MYO7A: variants seen among roughly 807,000 people sequenced by gnomAD.
MYO7A encodes the protein myosin VIIA.
A neutral mutation model predicts 263.8 loss-of-function variants in MYO7A; 210 were observed. The ratio of observed to expected loss-of-function variants is 0.80; its 90% confidence interval spans 0.71 to 0.89. The LOEUF (loss-of-function observed/expected upper bound fraction) is 0.89, where lower values mean the gene tolerates loss of function less well. MYO7A is among the 40% of genes least tolerant of loss of function. The pLI is 0.00. For synonymous variants in MYO7A, 1,239 were observed against 1,197.3 expected (o/e 1.03, Z -0.72); for missense variants, 2,820 against 2,968.3 (o/e 0.95, Z 1.16).
intron 14 of MYO7A, among the ~76,000 whole-genome samples, chr11:77,165,652 G>T (rs1391207603): frequency 1.3e-5 from 2 of 152,200 alleles, no homozygotes; most frequent in Non-Finnish European, 2.9e-5. Flanking sequence ...CCACAAGGTG[G>T]TTTTAATGAA....
chr11:77,131,312 C>G (rs1391086322), intron 2 of MYO7A, among the ~76,000 whole-genome samples: 1 of 152,242 alleles, frequency 6.6e-6, no homozygotes, highest in African/African-American at 2.4e-5. Context: ...GGGGCTTGGC[C>G]AGCAGCTTCT....
rs532436508 is a variant in MYO7A at position 77,132,518 on chromosome 11, C to G, written c.18+1866C>G. Among the ~76,000 whole-genome samples, 429 of 152,236 alleles carry G rather than the reference C, an allele frequency of 2.8e-3. 2 individuals carry two copies. Among genetic ancestry groups the G allele is most frequent in the African/African-American group, 9.7e-3 (402 of 41,538 alleles). On this transcript the variant is annotated intron_variant, in intron 2 of 48. Transcript: ENST00000409709. ...GTGTGTGTTTGTTTTGAGACAGAGTCTTGCTTTGTCACCAGGCTGAAGTGC... is the reference window on the plus strand; with the variant it reads ...GTGTGTGTTTGTTTTGAGACAGAGTGTTGCTTTGTCACCAGGCTGAAGTGC...
rs966005034 is a variant in MYO7A, at chr11:77,196,446, T to C, written c.4324-1035T>C. ...GGGTGAGGACTTTAATACGCAAATA[T>C]GGTAGGTTGGGGAAGGAAGCACACA... On this transcript the variant is annotated intron_variant, in intron 32 of 48. Coordinates refer to ENST00000409709, the MANE Select transcript of MYO7A (RefSeq NM_000260.4). 1.5e-3 allele frequency among the ~76,000 whole-genome samples: 221 copies of C among 151,756 alleles called. 25 individuals carry two copies. Among genetic ancestry groups the C allele is most frequent in the Admixed American group, 6.6e-5 (1 of 15,236 alleles).
chr11:77,162,595 G>C (rs1021711758), intron 13 of MYO7A, among the ~76,000 whole-genome samples: 6 of 152,178 alleles, frequency 3.9e-5, no homozygotes, highest in Admixed American at 6.5e-5. Flanking sequence ...GAGTTGGGGA[G>C]GGGGAGAGGG....
intron 44 of MYO7A, 60 bp from the exon 45 acceptor site, chr11:77,211,092 G>A: frequency 6.2e-6 from 9 of 1,444,150 alleles, no homozygotes; most frequent in Non-Finnish European, 8.4e-6. Flanking sequence ...TGGTGTGGTG[G>A]GAAAGGAGCC....
At position 77,156,027 on chromosome 11, in the gene MYO7A, G is replaced by A; in HGVS notation, c.406G>A (p.Ala136Thr). The A allele has an allele frequency of 6.2e-7, 1 of 1,613,944 alleles. No homozygotes were observed. The highest frequency in any genetic ancestry group is 8.5e-7 in the Non-Finnish European group (1 of 1,179,878). ...TGGGGAGATGCCCCCCCACATCTTT[G>A]CCATTGCTGACAACTGCTACTTCAA... ...KIGEMPPHIF[A>T]IADNCYFNMK... is the part of the protein sequence containing the mutation. Residue 136 changes from alanine (A) to threonine (T), a missense_variant, in exon 5 of 49, where the codon GCC (alanine) becomes ACC (threonine). Ala to Thr is a moderately conservative substitution (Grantham distance 58, BLOSUM62 0). Coordinates refer to ENST00000409709, the MANE Select transcript of MYO7A (RefSeq NM_000260.4).
chr11:77,142,523 G>A (rs1555051207), intron 2 of MYO7A, 186 bp from the exon 3 acceptor site: 4 of 669,352 alleles, frequency 6.0e-6, no homozygotes, highest in Non-Finnish European at 1.1e-5. Flanking sequence ...TGATGAGATT[G>A]CATAAATGCC....
Position 77,184,681 on chromosome 11 carries a change from A to G in MYO7A, c.3469A>G (p.Ile1157Val), listed in dbSNP as rs397516300. ...PTSNLEKLHF[I>V]IGNGILRPAL... ...CTCCAACCTGGAGAAGCTGCACTTC[A>G]TCATCGGCAATGGCATCCTGCGGCC... The change falls in exon 27 of 49, where the codon ATC becomes GTC. Residue 1157 changes from isoleucine to valine, a missense_variant. Transcript: ENST00000409709. The G allele has an allele frequency of 3.4e-5, 54 of 1,598,896 alleles. No homozygotes were observed. Among genetic ancestry groups the G allele is most frequent in the Non-Finnish European group, 1.6e-5 (19 of 1,172,506 alleles).
At chr11:77,153,987 T>C (rs1952210893) in intron 4 of MYO7A, among the ~76,000 whole-genome samples, 1 of 152,132 alleles carries the variant, frequency 6.6e-6, no homozygotes, top group Non-Finnish European at 1.5e-5. Context: ...TGGTGGCACA[T>C]GCCTAGAACC....
At chr11:77,157,202 C>G in intron 7 of MYO7A, 77 bp from the exon 8 acceptor site, 1 of 1,384,776 alleles carries the variant, frequency 7.2e-7, no homozygotes, top group Non-Finnish European at 1.0e-6. Context: ...AATAGTAAAC[C>G]ATCATCCCAG....
At chr11:77,147,346 C>T (rs1565318825) in intron 3 of MYO7A, among the ~76,000 whole-genome samples, 1 of 152,324 alleles carries the variant, frequency 6.6e-6, no homozygotes, top group African/African-American at 2.4e-5. Context: ...TGACTCTCCA[C>T]CACATACACC....
chr11:77,211,466 G>A (rs1957868432), intron 45 of MYO7A, 129 bp downstream of exon 45: 3 of 1,072,448 alleles, frequency 2.8e-6, no homozygotes, highest in Admixed American at 2.7e-5. Flanking sequence ...ACTTGATGAG[G>A]CCGCCCACCC....
At chr11:77,197,434 C>A in intron 32 of MYO7A, 47 bp from the exon 33 acceptor site, 1 of 1,418,312 alleles carries the variant, frequency 7.1e-7, no homozygotes, top group Non-Finnish European at 9.6e-7. Flanking sequence ...TTAGAGCAAA[C>A]TCACTCGTAT....
intron 41 of MYO7A, 79 bp downstream of exon 41, chr11:77,206,281 A>G (rs752900330): frequency 9.1e-7 from 1 of 1,099,964 alleles, no homozygotes; most frequent in South Asian, 1.5e-5. Context: ...GGTGGCCTTA[A>G]GCCTCTCCCC....
rs376688581 is a variant in MYO7A at position 77,184,616 on chromosome 11, C to A, written c.3404C>A (p.Ser1135Tyr). 267 of 1,572,840 alleles carry A rather than the reference C, an allele frequency of 1.7e-4. No individual in the cohort carries two copies. The highest frequency in any genetic ancestry group is 7.8e-4 in the Admixed American group (42 of 53,648). The change falls in exon 27 of 49, where the codon TCC (serine) becomes TAC (tyrosine). Residue 1135 changes from serine (S) to tyrosine (Y), a missense_variant. Physicochemically the swap from Ser to Tyr is moderately radical, Grantham distance 144 (BLOSUM62 -2). Transcript: ENST00000409709. ...EVTKRLHDGE[S>Y]TVQGNSMLED... ...ACCAAGAGGCTGCATGACGGGGAGT[C>A]CACAGTGCAGGGCAACAGCATGCTG...
rs782476855 is a variant in MYO7A at position 77,159,493 on chromosome 11, A to C, written c.1050A>C (p.Pro350=). ...ATGCCTGTGAGGTTCTCTTCTCCCC[A>C]TCGCTGGCCACAGCTGCATCCCTGC... The part of the protein sequence containing the change: ...NLDACEVLFS[P]SLATAASLLE... The change falls in exon 10 of 49, where the codon CCA becomes CCC. Residue 350 remains proline, a synonymous_variant. Transcript: ENST00000409709. 3 of 1,498,912 alleles carry C rather than the reference A, an allele frequency of 2.0e-6. No homozygotes were observed. Among genetic ancestry groups the C allele is most frequent in the African/African-American group, 3.0e-5 (2 of 67,024 alleles). 92.9% of individuals were successfully genotyped at this position (1,498,912 alleles called of 1,614,324 possible).
intron 44 of MYO7A, among the ~76,000 whole-genome samples, chr11:77,210,714 C>T (rs1000660533): frequency 4.6e-5 from 7 of 152,132 alleles, no homozygotes; most frequent in Non-Finnish European, 1.0e-4. Context: ...GGGAGGGCCT[C>T]TGCTACTGCT....
intron 19 of MYO7A, 67 bp downstream of exon 19, chr11:77,177,710 T>G (rs1237745256): frequency 1.5e-6 from 2 of 1,340,294 alleles, no homozygotes; most frequent in Non-Finnish European, 2.1e-6. Context: ...TGTTTGGCTC[T>G]CCTCTGCTCT....
At chr11:77,175,500 G>T in intron 18 of MYO7A, 36 bp downstream of exon 18, 1 of 1,581,502 alleles carries the variant, frequency 6.3e-7, no homozygotes, top group Non-Finnish European at 8.7e-7. Context: ...TGCCCTGGGG[G>T]GGCTGTAAAT....
Sources: allele counts gnomAD v4.1 joint callset (sites outside exome capture counted in the v4.1 genomes callset), GRCh38; gene constraint gnomAD v4.1.1; transcripts MANE v1.5; gene names NCBI Gene and HGNC (gene_info 2026-07-23, HGNC 2026-07-21).